The following NTM variants were observed in gnomAD, a reference collection of about 807,000 sequenced individuals.
NTM encodes neurotrimin, also known as IgLON family member 2.
Under a neutral mutation model 42.1 loss-of-function variants are expected in NTM, and 13 were observed. The ratio of observed to expected loss-of-function variants is 0.31; its 90% CI spans 0.20 to 0.49. NTM has a LOEUF of 0.49. Among genes scored for constraint, NTM ranks in the 20% least tolerant of loss-of-function variants. NTM has a pLI of 0.99. For missense variants in NTM, 373 were observed against 452.8 expected (o/e 0.82, Z 1.60); for synonymous variants, 187 against 179.2 (o/e 1.04, Z -0.35).
At chr11:131,449,155 T>C (rs1255979627) in intron 1 of NTM, among the ~76,000 whole-genome samples, 2 of 152,194 alleles carry the variant, frequency 1.3e-5, no homozygotes, top group African/African-American at 4.8e-5. Context: ...TTACATTTAT[T>C]TTTCTTCTCA....
At chr11:132,254,257 G>A (rs1442155457) in intron 4 of NTM, among the ~76,000 whole-genome samples, 18 of 151,982 alleles carry the variant, frequency 1.2e-4, no homozygotes, top group Non-Finnish European at 4.4e-5. Context: ...GTGTCTCCCC[G>A]CAACCCGTCT....
chr11:131,810,532 G>C (rs773903593), intron 1 of NTM, among the ~76,000 whole-genome samples: 2 of 152,334 alleles, frequency 1.3e-5, no homozygotes, highest in Admixed American at 1.3e-4. Context: ...GAATGAGCAC[G>C]AGCGGCAGGT....
intron 2 of NTM, among the ~76,000 whole-genome samples, chr11:132,129,224 A>G (rs1402761390): frequency 7.2e-5 from 11 of 152,130 alleles, no homozygotes. Flanking sequence ...AACTGTTTGC[A>G]TTTCTGGAAG....
chr11:131,796,111 G>C, intron 1 of NTM: 1 of 985,414 alleles, frequency 1.0e-6, no homozygotes, highest in Non-Finnish European at 1.2e-6. Context: ...GAAATCTAGG[G>C]AACTGGCCAC....
At chr11:131,718,145 T>G (rs961205132) in intron 1 of NTM, among the ~76,000 whole-genome samples, 1 of 152,232 alleles carries the variant, frequency 6.6e-6, no homozygotes, top group Non-Finnish European at 1.5e-5. Context: ...TATCTATTTA[T>G]GGAAAATAAT....
Position 131,740,910 on chromosome 11 carries a change from G to A in NTM, c.83-170654G>A, listed in dbSNP as rs952342369. 2.0e-5 allele frequency among the ~76,000 whole-genome samples: 3 copies of A among 152,186 alleles called. No individual in the cohort carries two copies. In the East Asian group the frequency reaches 5.8e-4, roughly 29 times the overall value. On this transcript the variant is annotated intron_variant, in intron 1 of 8. Coordinates refer to ENST00000683400, the MANE Select transcript of NTM (RefSeq NM_001352005.2). ...TTGCCAGGCATGGTGGCTCACGCCTGTAATCCCAGCACTTTGGGAGGCCGA... is the reference window on the plus strand; with the variant it reads ...TTGCCAGGCATGGTGGCTCACGCCTATAATCCCAGCACTTTGGGAGGCCGA...
chr11:131,511,297 T>G (rs1272115453), intron 1 of NTM, among the ~76,000 whole-genome samples: 1 of 152,166 alleles, frequency 6.6e-6, no homozygotes, highest in Non-Finnish European at 1.5e-5. Context: ...AGCCAGGCCA[T>G]GAGCCCAGCA....
At chr11:131,912,107 C>T (rs1045556856) in intron 2 of NTM, among the ~76,000 whole-genome samples, 2 of 152,170 alleles carry the variant, frequency 1.3e-5, no homozygotes. Context: ...AGCCCTGGCT[C>T]CTGCACTCTG....
chr11:131,975,083 A>C (rs1439329997), intron 2 of NTM, among the ~76,000 whole-genome samples: 1 of 152,142 alleles, frequency 6.6e-6, no homozygotes, highest in Non-Finnish European at 1.5e-5. Flanking sequence ...TGTGCCTTAA[A>C]AAATATTCAG....
At chr11:131,513,474 T>C (rs1389278465) in intron 1 of NTM, among the ~76,000 whole-genome samples, 1 of 151,980 alleles carries the variant, frequency 6.6e-6, no homozygotes, top group Non-Finnish European at 1.5e-5. Flanking sequence ...CAATGTCAGC[T>C]CCTCCCTGAG....
intron 1 of NTM, among the ~76,000 whole-genome samples, chr11:131,558,376 G>A (rs2055744026): frequency 6.6e-6 from 1 of 152,170 alleles, no homozygotes; most frequent in African/African-American, 2.4e-5. Context: ...GATTCAGATT[G>A]TCAGGGAATT....
chr11:131,417,678 G>C (rs895717699), intron 1 of NTM, among the ~76,000 whole-genome samples: 1 of 152,124 alleles, frequency 6.6e-6, no homozygotes, highest in African/African-American at 2.4e-5. Flanking sequence ...ATTTAAGTAA[G>C]GGTTGTAAAA....
At chr11:131,931,386 C>T (rs981241829) in intron 2 of NTM, among the ~76,000 whole-genome samples, 6 of 151,600 alleles carry the variant, frequency 4.0e-5, no homozygotes, top group Admixed American at 2.0e-4. Context: ...CTACAGTGAA[C>T]CGAGATGGCG....
At chr11:131,925,725 GA>G (rs1241449558) in intron 2 of NTM, among the ~76,000 whole-genome samples, 2 of 152,132 alleles carry the variant, frequency 1.3e-5, no homozygotes, top group Non-Finnish European at 2.9e-5. Flanking sequence ...AGGTGGTGGA[GA>G]AATCGTGTAT....
chr11:132,315,478 G>A (rs1407310967), intron 7 of NTM, among the ~76,000 whole-genome samples: 4 of 152,026 alleles, frequency 2.6e-5, no homozygotes, highest in African/African-American at 9.7e-5. Context: ...TTGTGTTTTG[G>A]GCAAATTCCT....
intron 2 of NTM, among the ~76,000 whole-genome samples, chr11:132,123,380 G>A (rs80284468): frequency 0.16 from 24,030 of 152,150 alleles, 2,011 homozygotes; most frequent in East Asian, 0.26. Context: ...ATTCATGGAG[G>A]CAAATCTGCC....
intron 1 of NTM, among the ~76,000 whole-genome samples, chr11:131,846,192 A>G (rs2044882190): frequency 6.6e-6 from 1 of 152,170 alleles, no homozygotes; most frequent in Non-Finnish European, 1.5e-5. Flanking sequence ...TGCTGAATTT[A>G]TTACTATATA....
intron 4 of NTM, among the ~76,000 whole-genome samples, chr11:132,252,780 T>C (rs1157431178): frequency 1.3e-5 from 2 of 152,120 alleles, no homozygotes; most frequent in Non-Finnish European, 2.9e-5. Flanking sequence ...CAGAGTGACA[T>C]TGACTGTCTC....
At chr11:131,870,138 C>A (rs1361271987) in intron 1 of NTM, among the ~76,000 whole-genome samples, 4 of 152,140 alleles carry the variant, frequency 2.6e-5, no homozygotes, top group Non-Finnish European at 5.9e-5. Flanking sequence ...TTCATGCACT[C>A]TTGTGAAGGC....
Sources: allele counts gnomAD v4.1 joint callset (sites outside exome capture counted in the v4.1 genomes callset), GRCh38; gene constraint gnomAD v4.1.1; transcripts MANE v1.5; gene names NCBI Gene and HGNC (gene_info 2026-07-23, HGNC 2026-07-21).